CFAP20DC: variants seen among roughly 807,000 people sequenced by gnomAD.
CFAP20DC encodes protein CFAP20DC.
In CFAP20DC, 84 loss-of-function variants were observed where a neutral mutation model predicts 101.7. The observed-to-expected ratio is 0.83, with a 90% confidence interval of 0.69 to 0.99. The LOEUF is 0.99. Among genes scored for constraint, CFAP20DC ranks in the 50% least tolerant of loss-of-function variants. The probability of loss-of-function intolerance (pLI) is 0.00; values close to 1 mark genes in which losing one functional copy is unlikely to be tolerated. For missense variants in CFAP20DC, 1,007 were observed against 970.3 expected (o/e 1.04, Z -0.50); for synonymous variants, 359 against 351.2 (o/e 1.02, Z -0.25).
intron 4 of CFAP20DC, among the ~76,000 whole-genome samples, chr3:59,038,249 C>T (rs1191401661): frequency 6.6e-6 from 1 of 152,046 alleles, no homozygotes; most frequent in Non-Finnish European, 1.5e-5. Context: ...CCTGCACGTT[C>T]TGCACATGTA....
At chr3:58,975,457 C>T (rs1278978137) in intron 4 of CFAP20DC, among the ~76,000 whole-genome samples, 1 of 152,046 alleles carries the variant, frequency 6.6e-6, no homozygotes, top group Non-Finnish European at 1.5e-5. Flanking sequence ...TGTGTAGAGA[C>T]AATGAATTTA....
At chr3:59,034,084 C>A (rs968444288) in intron 4 of CFAP20DC, among the ~76,000 whole-genome samples, 2 of 152,166 alleles carry the variant, frequency 1.3e-5, no homozygotes, top group Non-Finnish European at 2.9e-5. Context: ...AATTTCATAT[C>A]CAGTCAAACT....
chr3:58,939,833 C>T (rs535146473), intron 4 of CFAP20DC, among the ~76,000 whole-genome samples: 11 of 140,130 alleles, frequency 7.8e-5, no homozygotes, highest in Admixed American at 2.3e-4. Flanking sequence ...ATGGTGCAAT[C>T]GTGGCTTACT....
At chr3:58,967,138 G>T (rs1178198790) in intron 4 of CFAP20DC, among the ~76,000 whole-genome samples, 1 of 152,128 alleles carries the variant, frequency 6.6e-6, no homozygotes, top group African/African-American at 2.4e-5. Context: ...TGACAGTGTG[G>T]TATCAGCATA....
In CFAP20DC at chr3:59,015,418, T is replaced by C. The variant is rs1576721296; in HGVS notation, c.278+24139A>G. On this transcript the variant is annotated intron_variant, in intron 4 of 16. Coordinates refer to ENST00000482387, the MANE Select transcript of CFAP20DC (RefSeq NM_001394063.1). This position sits in a 1 kb window ranked among gnomAD's most constrained non-coding sequence, Gnocchi z 5.4. ...AAAAGGCAAAGGGCAAGAATAAAGA[T>C]AGATGGAAGGGAAGAGAGGACAAAG... Among the ~76,000 whole-genome samples the C allele has an allele frequency of 2.7e-5, 4 of 146,608 alleles. No homozygotes were observed. Among genetic ancestry groups the C allele is most frequent in the East Asian group, 2.0e-4 (1 of 4,980 alleles).
intron 5 of CFAP20DC, among the ~76,000 whole-genome samples, chr3:58,933,046 A>T (rs1390755602): frequency 6.6e-6 from 1 of 152,204 alleles, no homozygotes; most frequent in Non-Finnish European, 1.5e-5. Context: ...GCAGAGACAC[A>T]CATAGGCTCA....
intron 5 of CFAP20DC, chr3:58,915,013 T>C (rs1294151740): frequency 2.0e-5 from 3 of 152,160 alleles, no homozygotes; most frequent in Non-Finnish European, 4.4e-5. Flanking sequence ...TAATGTAAGA[T>C]GGCCCAGTGA....
intron 4 of CFAP20DC, among the ~76,000 whole-genome samples, chr3:58,995,980 ATCT>A (rs1559962190): frequency 3.0e-5 from 4 of 133,818 alleles, no homozygotes; most frequent in South Asian, 4.4e-4. Context: ...TAATAAATCT[ATCT>A]ATCTATCTAT....
At chr3:58,741,436 G>C (rs2067881928), downstream of CFAP20DC, among the ~76,000 whole-genome samples, 1 of 152,038 alleles carries the variant, frequency 6.6e-6, no homozygotes, top group South Asian at 2.1e-4. Context: ...GGATTTCAAA[G>C]AGGTTATTTC....
At chr3:58,922,704 G>A (rs1227539267) in intron 5 of CFAP20DC, among the ~76,000 whole-genome samples, 1 of 152,048 alleles carries the variant, frequency 6.6e-6, no homozygotes, top group Non-Finnish European at 1.5e-5. Flanking sequence ...ACAGCCTGAA[G>A]AACCATAAGC....
chr3:58,812,472 G>C (rs2074733703), intron 14 of CFAP20DC, among the ~76,000 whole-genome samples: 1 of 151,356 alleles, frequency 6.6e-6, no homozygotes, highest in South Asian at 2.1e-4. Flanking sequence ...ACCAAACACC[G>C]CATATTCTCA....
chr3:58,854,179 G>T (rs565556580), intron 12 of CFAP20DC, among the ~76,000 whole-genome samples: 9 of 151,722 alleles, frequency 5.9e-5, no homozygotes, highest in African/African-American at 1.9e-4. Context: ...CAAGCATTCT[G>T]ATACACCAAC....
intron 4 of CFAP20DC, chr3:58,992,538 G>GTCTACACTAA (rs1451120577): frequency 3.3e-5 from 32 of 981,160 alleles, no homozygotes; most frequent in Non-Finnish European, 3.9e-5. Flanking sequence ...AGAAGTCCTA[G>GTCTACACTAA]TCTACACTAA....
At chr3:59,019,434 T>C (rs1249729178) in intron 4 of CFAP20DC, among the ~76,000 whole-genome samples, 3 of 151,814 alleles carry the variant, frequency 2.0e-5, no homozygotes, top group Admixed American at 6.6e-5. Context: ...CTCTCTTCCC[T>C]TGTTTGTTGA....
At chr3:58,816,999 CT>C (rs1389113762) in intron 14 of CFAP20DC, among the ~76,000 whole-genome samples, 2 of 152,166 alleles carry the variant, frequency 1.3e-5, no homozygotes, top group Non-Finnish European at 2.9e-5. Context: ...CCCGAGCAGC[CT>C]AACTGGGAGG....
At chr3:58,777,644 T>A (rs2071451662) in intron 15 of CFAP20DC, among the ~76,000 whole-genome samples, 1 of 152,228 alleles carries the variant, frequency 6.6e-6, no homozygotes, top group Non-Finnish European at 1.5e-5. Flanking sequence ...TTAGAATCTC[T>A]ACATTTCTAC....
At chr3:58,822,991 C>T (rs974510389) in intron 14 of CFAP20DC, among the ~76,000 whole-genome samples, 3 of 152,142 alleles carry the variant, frequency 2.0e-5, no homozygotes. Context: ...GAACAAAAGC[C>T]TTGCTGATTT....
chr3:58,898,845 G>A (rs1309108575), intron 6 of CFAP20DC, among the ~76,000 whole-genome samples: 1 of 150,390 alleles, frequency 6.6e-6, no homozygotes, highest in Non-Finnish European at 1.5e-5. Flanking sequence ...CTTTCAGATT[G>A]CTCATCTTTG....
At position 58,866,689 on chromosome 3, in the gene CFAP20DC, C is replaced by T. The variant is rs1576020796; in HGVS notation, c.1136-1G>A. ...ATCCTATTATTTCCTGAAGAGCTAC[C>T]TTTATTGAGATAAATATTTTCCCTC... On this transcript the variant is annotated splice_acceptor_variant, in intron 10 of 16. Coordinates refer to ENST00000482387, the MANE Select transcript of CFAP20DC (RefSeq NM_001394063.1). LOFTEE classifies it high-confidence loss of function. The T allele has an allele frequency of 1.9e-6, 3 of 1,539,168 alleles. No individual in the cohort carries two copies. The highest frequency in any genetic ancestry group is 1.2e-5 in the South Asian group (1 of 86,638).
Sources: gnomAD v4.1 joint callset for allele counts (sites outside exome capture counted in the v4.1 genomes callset) on GRCh38, gnomAD v4.1.1 for gene constraint, Gnocchi (gnomAD v3.1) non-coding constraint, MANE v1.5 for transcripts, NCBI Gene and HGNC (gene_info 2026-07-23, HGNC 2026-07-21) for gene names.